AQR: variants seen among roughly 807,000 people sequenced by gnomAD.
AQR encodes the protein aquarius intron-binding spliceosomal factor.
In AQR, 61 loss-of-function variants were observed where a neutral mutation model predicts 180.5. The ratio of observed to expected loss-of-function variants is 0.34; its 90% CI spans 0.28 to 0.42. The LOEUF is 0.42. Ranked by LOEUF, AQR falls within the 10% of genes least tolerant of loss-of-function variation. The pLI is 1.00. For synonymous variants in AQR, 551 were observed against 588.8 expected (o/e 0.94, Z 0.93); for missense variants, 1,281 against 1,798.3 (o/e 0.71, Z 5.20).
intron 29 of AQR, 107 bp downstream of exon 29, chr15:34,874,570 T>A: frequency 7.2e-7 from 1 of 1,379,438 alleles, no homozygotes; most frequent in Non-Finnish European, 9.9e-7. Context: ...GCCAAGTTCC[T>A]GGATAGCCAA....
rs1329920973 is a variant in AQR, at chr15:34,906,440, T to G, written c.1831+105A>C. 1.2e-5 allele frequency: 16 copies of G among 1,341,240 alleles called. No homozygotes were observed. In the Admixed American group the frequency reaches 3.3e-4, roughly 28 times the overall value. 83.1% of individuals were successfully genotyped at this position (1,341,240 alleles called of 1,614,324 possible). A position where few individuals can be genotyped will look rare whatever the true frequency, so the allele number is the denominator to read the frequency against. On this transcript the variant is annotated intron_variant, in intron 18 of 34. Coordinates refer to ENST00000156471, the MANE Select transcript of AQR (RefSeq NM_014691.3). Reference sequence around the variant, plus strand: ...TACAAAATCCTTTGTGTCAATTTAGTAGGTAAAAGAACTAAAAAATATTAC... The same window carrying G: ...TACAAAATCCTTTGTGTCAATTTAGGAGGTAAAAGAACTAAAAAATATTAC...
At chr15:34,891,960 G>T (rs933636542) in intron 23 of AQR, among the ~76,000 whole-genome samples, 3 of 152,084 alleles carry the variant, frequency 2.0e-5, no homozygotes, top group African/African-American at 4.8e-5. Flanking sequence ...CAAATGAACT[G>T]AAGAGTATTA....
chr15:34,886,479 G>C, intron 25 of AQR, 47 bp downstream of exon 25: 1 of 1,548,732 alleles, frequency 6.5e-7, no homozygotes, highest in Non-Finnish European at 8.7e-7. Flanking sequence ...TTCCAACTGG[G>C]GTTCATATTA....
intron 27 of AQR, among the ~76,000 whole-genome samples, chr15:34,878,509 T>C (rs1346981879): frequency 6.6e-6 from 1 of 152,092 alleles, no homozygotes; most frequent in African/African-American, 2.4e-5. Context: ...GGTACATAGC[T>C]GACGCTCAAC....
chr15:34,950,147 T>C (rs1189962503), intron 4 of AQR, among the ~76,000 whole-genome samples: 1 of 131,610 alleles, frequency 7.6e-6, no homozygotes, highest in Non-Finnish European at 1.6e-5. Flanking sequence ...TGGAGTGCAA[T>C]GGCATAATCC....
intron 12 of AQR, among the ~76,000 whole-genome samples, chr15:34,928,664 TGTA>T (rs1205528723): frequency 6.6e-6 from 1 of 152,212 alleles, no homozygotes; most frequent in African/African-American, 2.4e-5. Flanking sequence ...TGCATGTGCC[TGTA>T]TAGCAGAATG....
intron 20 of AQR, among the ~76,000 whole-genome samples, 189 bp from the exon 21 acceptor site, chr15:34,897,894 A>T (rs1893273258): frequency 6.6e-6 from 1 of 152,258 alleles, no homozygotes; most frequent in Non-Finnish European, 1.5e-5. Context: ...GGAGTTTTCA[A>T]ATTTAAAAAA....
At chr15:34,890,724 T>C (rs540415902) in intron 23 of AQR, among the ~76,000 whole-genome samples, 1 of 152,294 alleles carries the variant, frequency 6.6e-6, no homozygotes, top group African/African-American at 2.4e-5. Flanking sequence ...AGTGAGTGTG[T>C]TGGTAGAATA....
chr15:34,962,533 C>T (rs1397004111), intron 2 of AQR, among the ~76,000 whole-genome samples: 7 of 152,050 alleles, frequency 4.6e-5, no homozygotes, highest in Non-Finnish European at 8.8e-5. Context: ...CTTTGGGAGG[C>T]CAAGGTGGGC....
At chr15:34,921,689 C>T (rs902646381) in intron 13 of AQR, among the ~76,000 whole-genome samples, 2 of 152,166 alleles carry the variant, frequency 1.3e-5, no homozygotes, top group African/African-American at 4.8e-5. Flanking sequence ...CCCAAAATCC[C>T]TTATGCTAAT....
At position 34,855,292 on chromosome 15, in the gene AQR, T is replaced by C. The variant is rs1156456594; in HGVS notation, c.*1500A>G. On this transcript the variant is annotated 3_prime_UTR_variant, in exon 35 of 35. Transcript: ENST00000156471. The stretch of plus-strand genomic sequence containing the variant: ...CTTGACTTTCTGGGTTTAATTTCCC[T>C]ATGAAGCAATCATTCCTTCAAAATG... 6.6e-6 allele frequency: 1 copy of C among 152,258 alleles called. No individual in the cohort carries two copies. The highest frequency in any genetic ancestry group is 1.5e-5 in the Non-Finnish European group (1 of 68,050). 9.4% of individuals were successfully genotyped at this position (152,258 alleles called of 1,614,324 possible). A position where few individuals can be genotyped will look rare whatever the true frequency, so the allele number is the denominator to read the frequency against.
At chr15:34,941,786 T>C (rs192339679) in intron 7 of AQR, among the ~76,000 whole-genome samples, 4 of 152,320 alleles carry the variant, frequency 2.6e-5, no homozygotes, top group Admixed American at 1.3e-4. Context: ...ATAAGCTCAA[T>C]AGATACTACC....
At chr15:34,925,798 A>G (rs1211980325) in intron 13 of AQR, among the ~76,000 whole-genome samples, 1 of 151,632 alleles carries the variant, frequency 6.6e-6, no homozygotes, top group Non-Finnish European at 1.5e-5. Flanking sequence ...GCACCACTGC[A>G]CTCCAGCCTG....
At chr15:34,924,607 T>C (rs1286434881) in intron 13 of AQR, among the ~76,000 whole-genome samples, 1 of 152,062 alleles carries the variant, frequency 6.6e-6, no homozygotes, top group African/African-American at 2.4e-5. Context: ...AATTTTTGTA[T>C]TTTTAGTAAG....
chr15:34,957,482 G>A (rs71464887), intron 3 of AQR, among the ~76,000 whole-genome samples: 4,118 of 151,894 alleles, frequency 0.027, 92 homozygotes, highest in South Asian at 0.047. Flanking sequence ...CGAGGCAAGC[G>A]GATCACCTGA....
chr15:34,874,149 A>G, intron 29 of AQR, 150 bp from the exon 30 acceptor site: 2 of 726,360 alleles, frequency 2.8e-6, no homozygotes, highest in Non-Finnish European at 4.0e-6. Context: ...TGCTCTTTCA[A>G]CCTTAGCTTC....
chr15:34,940,828 C>G, intron 8 of AQR, 71 bp downstream of exon 8: 1 of 1,176,560 alleles, frequency 8.5e-7, no homozygotes, highest in South Asian at 1.3e-5. Context: ...AAACAACAAA[C>G]CAGTCAACAT....
intron 3 of AQR, among the ~76,000 whole-genome samples, chr15:34,956,083 G>T (rs908316537): frequency 6.6e-6 from 1 of 152,058 alleles, no homozygotes; most frequent in East Asian, 1.9e-4. Flanking sequence ...GACAATGTTC[G>T]TGGAGTTTTT....
chr15:34,914,100 C>T (rs1036913717), intron 16 of AQR, among the ~76,000 whole-genome samples: 1 of 152,176 alleles, frequency 6.6e-6, no homozygotes, highest in East Asian at 1.9e-4. Context: ...CAAAGCTGTT[C>T]AGCTTTTCAC....
Sources: gnomAD v4.1 joint callset for allele counts (sites outside exome capture counted in the v4.1 genomes callset) on GRCh38, gnomAD v4.1.1 for gene constraint, MANE v1.5 for transcripts, NCBI Gene and HGNC (gene_info 2026-07-23, HGNC 2026-07-21) for gene names.